BANK1: variants seen among roughly 807,000 people sequenced by gnomAD.
The protein encoded by BANK1 is B cell scaffold protein with ankyrin repeats 1.
Under a neutral mutation model 94.5 loss-of-function variants are expected in BANK1, and 95 were observed. That is an observed-to-expected ratio of 1.00 (90% CI 0.85 to 1.19). The LOEUF (loss-of-function observed/expected upper bound fraction) is 1.19, where lower values mean the gene tolerates loss of function less well. Ranked by LOEUF, BANK1 falls within the 50% of genes most tolerant of loss-of-function variation. BANK1 has a pLI of 0.00. For synonymous variants in BANK1, 334 were observed against 308.4 expected (o/e 1.08, Z -0.87); for missense variants, 987 against 932.2 (o/e 1.06, Z -0.77).
chr4:102,068,532 G>A lies in BANK1; in HGVS notation c.2213-2743G>A, dbSNP rs561392762. ...ACATTAAAAACATACTAAGGGCCAG[G>A]CACAGTGGCTCTGGCCGGGTATGGT... On this transcript the variant is annotated intron_variant, in intron 13 of 16. Transcript: ENST00000322953. Among the ~76,000 whole-genome samples the A allele has an allele frequency of 2.6e-5, 4 of 152,226 alleles. No homozygotes were observed. In the South Asian group the frequency reaches 8.3e-4, roughly 32 times the overall value.
intron 7 of BANK1, among the ~76,000 whole-genome samples, chr4:101,934,679 AC>A (rs1158769384): frequency 6.6e-6 from 1 of 151,484 alleles, no homozygotes; most frequent in African/African-American, 2.4e-5. Context: ...CCAAAACAAA[AC>A]CACTGACTTA....
chr4:102,007,813 C>T (rs1314299182), intron 7 of BANK1, among the ~76,000 whole-genome samples: 1 of 152,054 alleles, frequency 6.6e-6, no homozygotes, highest in Non-Finnish European at 1.5e-5. Flanking sequence ...ATCCTTCATC[C>T]TGAACTGTAT....
intron 7 of BANK1, among the ~76,000 whole-genome samples, chr4:101,962,897 T>C (rs1262662702): frequency 6.6e-6 from 1 of 152,154 alleles, no homozygotes; most frequent in African/African-American, 2.4e-5. Flanking sequence ...ATCATTGATA[T>C]ATGTATTTGA....
chr4:101,949,426 A>G (rs1490269802), intron 7 of BANK1, among the ~76,000 whole-genome samples: 1 of 152,116 alleles, frequency 6.6e-6, no homozygotes, highest in Non-Finnish European at 1.5e-5. Context: ...TTAGAACCCT[A>G]ATGCAGTCAA....
At chr4:101,856,009 C>T (rs1439712664) in intron 3 of BANK1, among the ~76,000 whole-genome samples, 1 of 152,100 alleles carries the variant, frequency 6.6e-6, no homozygotes, top group African/African-American at 2.4e-5. Context: ...CAGTTTGTGG[C>T]ATCCTTGAGT....
At chr4:101,937,483 GA>G (rs1254027164) in intron 7 of BANK1, among the ~76,000 whole-genome samples, 7 of 151,886 alleles carry the variant, frequency 4.6e-5, no homozygotes, top group Non-Finnish European at 1.0e-4. Flanking sequence ...ACAAACATAT[GA>G]AAAAATGTTC....
chr4:102,044,202 C>T (rs908730726), intron 11 of BANK1, among the ~76,000 whole-genome samples: 15 of 152,042 alleles, frequency 9.9e-5, no homozygotes, highest in African/African-American at 3.1e-4. Context: ...CCACAACAGT[C>T]CCCAGAGTGT....
At chr4:101,856,843 T>G (rs1483607604) in intron 3 of BANK1, among the ~76,000 whole-genome samples, 1 of 152,174 alleles carries the variant, frequency 6.6e-6, no homozygotes, top group Non-Finnish European at 1.5e-5. Flanking sequence ...TTTTAAAGAA[T>G]CCTAAACATT....
intron 1 of BANK1, among the ~76,000 whole-genome samples, chr4:101,808,566 A>G (rs1578328786): frequency 6.6e-6 from 1 of 152,192 alleles, no homozygotes; most frequent in East Asian, 1.9e-4. Flanking sequence ...ACTAGAGTAA[A>G]CAAACAATCC....
At chr4:102,012,212 A>T (rs1726533653) in intron 7 of BANK1, among the ~76,000 whole-genome samples, 1 of 152,188 alleles carries the variant, frequency 6.6e-6, no homozygotes, top group South Asian at 2.1e-4. Flanking sequence ...TTATGAAGGT[A>T]CATTTGTATA....
chr4:101,978,849 A>G (rs1406436089), intron 7 of BANK1, among the ~76,000 whole-genome samples: 1 of 152,104 alleles, frequency 6.6e-6, no homozygotes, highest in African/African-American at 2.4e-5. Flanking sequence ...CTTAACTAAC[A>G]TCACCAAATT....
intron 7 of BANK1, among the ~76,000 whole-genome samples, chr4:102,012,754 T>G (rs944007915): frequency 6.6e-6 from 1 of 152,120 alleles, no homozygotes; most frequent in East Asian, 1.9e-4. Flanking sequence ...TTACTCAGCT[T>G]GTTTTTGTTT....
At chr4:101,791,641 A>G (rs1318315468) in intron 1 of BANK1, among the ~76,000 whole-genome samples, 1 of 152,218 alleles carries the variant, frequency 6.6e-6, no homozygotes, top group Admixed American at 6.5e-5. Context: ...AAATTAAAAA[A>G]CTTCACTTAG....
At chr4:101,975,298 A>G (rs896562179) in intron 7 of BANK1, among the ~76,000 whole-genome samples, 1 of 152,180 alleles carries the variant, frequency 6.6e-6, no homozygotes, top group African/African-American at 2.4e-5. Context: ...ACTGAGAGCA[A>G]TGATATAAAT....
At chr4:101,943,337 G>A (rs777478395) in intron 7 of BANK1, among the ~76,000 whole-genome samples, 3 of 151,892 alleles carry the variant, frequency 2.0e-5, no homozygotes, top group Non-Finnish European at 2.9e-5. Flanking sequence ...GATGGAGAAC[G>A]TTGTCAGGGA....
intron 10 of BANK1, chr4:102,036,617 C>T (rs1215849017): frequency 6.6e-6 from 1 of 152,222 alleles, no homozygotes; most frequent in Non-Finnish European, 1.5e-5. Flanking sequence ...TCTCCCTTGA[C>T]TCTGCCTCAT....
chr4:101,918,261 A>C, intron 7 of BANK1, 72 bp downstream of exon 7: 1 of 1,081,090 alleles, frequency 9.2e-7, no homozygotes, highest in Non-Finnish European at 1.3e-6. Flanking sequence ...AAGAAGAAAA[A>C]ACCTATTACC....
intron 7 of BANK1, among the ~76,000 whole-genome samples, chr4:101,922,486 GC>G (rs1723031404): frequency 6.6e-6 from 1 of 151,778 alleles, no homozygotes; most frequent in Non-Finnish European, 1.5e-5. Flanking sequence ...CACTAAAGGT[GC>G]TCAGCATGTA....
intron 5 of BANK1, among the ~76,000 whole-genome samples, chr4:101,893,050 T>C (rs1268499200): frequency 6.6e-6 from 1 of 152,070 alleles, no homozygotes; most frequent in Non-Finnish European, 1.5e-5. Flanking sequence ...TAGAAGTGGT[T>C]AGATTCAACT....
Sources: gnomAD v4.1 joint callset for allele counts (sites outside exome capture counted in the v4.1 genomes callset) on GRCh38, gnomAD v4.1.1 for gene constraint, MANE v1.5 for transcripts, NCBI Gene and HGNC (gene_info 2026-07-23, HGNC 2026-07-21) for gene names.